DPP6: variants seen among roughly 807,000 people sequenced by gnomAD.
DPP6 encodes the protein dipeptidyl peptidase like 6.
A neutral mutation model predicts 122.6 loss-of-function variants in DPP6; 69 were observed. The ratio of observed to expected loss-of-function variants is 0.56; its 90% CI spans 0.46 to 0.69. The LOEUF is 0.69. Among genes scored for constraint, DPP6 ranks in the 30% least tolerant of loss-of-function variants. The pLI is 0.00. For missense variants in DPP6, 928 were observed against 1,116.9 expected, an observed-to-expected ratio of 0.83 and a Z score of 2.41; for synonymous variants, 418 against 433.1, an observed-to-expected ratio of 0.97 and a Z score of 0.43.
At chr7:154,078,351 TACACACACACACACAC>T (rs3052965) in intron 1 of DPP6, among the ~76,000 whole-genome samples, 1 of 149,408 alleles carries the variant, frequency 6.7e-6, no homozygotes, top group Non-Finnish European at 1.5e-5. Context: ...AGTGCATATG[TACACACACACACACAC>T]ACACACACAC....
At chr7:154,229,872 C>T (rs1196927391) in intron 1 of DPP6, among the ~76,000 whole-genome samples, 1 of 151,950 alleles carries the variant, frequency 6.6e-6, no homozygotes, top group African/African-American at 2.4e-5. Flanking sequence ...TTATTTGGTG[C>T]AAAATATTTT....
chr7:154,081,020 C>G (rs184760164), intron 1 of DPP6, among the ~76,000 whole-genome samples: 2 of 152,182 alleles, frequency 1.3e-5, no homozygotes, highest in African/African-American at 4.8e-5. Context: ...ATACCTAGAT[C>G]TTGGAAATTT....
intron 1 of DPP6, among the ~76,000 whole-genome samples, chr7:154,253,636 A>G (rs1802485935): frequency 6.6e-6 from 1 of 152,142 alleles, no homozygotes; most frequent in Non-Finnish European, 1.5e-5. Flanking sequence ...GGTAAACATG[A>G]TGATGATGAT....
intron 1 of DPP6, among the ~76,000 whole-genome samples, chr7:154,072,312 A>G (rs1313880001): frequency 6.6e-6 from 1 of 152,194 alleles, no homozygotes; most frequent in East Asian, 1.9e-4. Context: ...GTGTTAGTTT[A>G]TATGTTTGTA....
chr7:153,870,627 T>C, the DPP6 span, among the ~76,000 whole-genome samples: 193 of 152,348 alleles, frequency 1.3e-3, 3 homozygotes, highest in African/African-American at 4.1e-3. Context: ...AGTTTGATCT[T>C]CTGAAGCCTT....
chr7:154,204,397 A>G (rs1488263798), intron 1 of DPP6, among the ~76,000 whole-genome samples: 2 of 152,232 alleles, frequency 1.3e-5, no homozygotes, highest in African/African-American at 4.8e-5. Flanking sequence ...ACGCCACTCA[A>G]GATCCCTGCT....
chr7:154,060,498 C>T (rs1221358186), intron 1 of DPP6, among the ~76,000 whole-genome samples: 1 of 138,198 alleles, frequency 7.2e-6, no homozygotes, highest in East Asian at 2.1e-4. Context: ...TCCTAAGATC[C>T]TTAGGACCCA....
intron 1 of DPP6, among the ~76,000 whole-genome samples, chr7:154,292,980 A>G (rs1805307802): frequency 6.6e-6 from 1 of 152,176 alleles, no homozygotes; most frequent in Non-Finnish European, 1.5e-5. Context: ...ATTATCTTAG[A>G]AAGGTAATTG....
chr7:154,888,960 T>C (rs963401181), intron 23 of DPP6, among the ~76,000 whole-genome samples: 6 of 152,168 alleles, frequency 3.9e-5, no homozygotes, highest in Admixed American at 3.9e-4. Flanking sequence ...ATTTATTCAT[T>C]ATCATGAGAA....
chr7:154,404,764 A>T (rs941044025), intron 1 of DPP6, among the ~76,000 whole-genome samples: 3 of 152,206 alleles, frequency 2.0e-5, no homozygotes, highest in Admixed American at 2.0e-4. Flanking sequence ...AGTGTTCTGG[A>T]GAGGAAATCA....
chr7:154,695,488 C>T (rs953907718), intron 7 of DPP6, among the ~76,000 whole-genome samples: 2 of 152,156 alleles, frequency 1.3e-5, no homozygotes, highest in African/African-American at 4.8e-5. Flanking sequence ...TCTTACCACC[C>T]TATTTTTAAG....
At chr7:154,533,878 G>T (rs1026899209) in intron 3 of DPP6, among the ~76,000 whole-genome samples, 1 of 151,904 alleles carries the variant, frequency 6.6e-6, no homozygotes, top group South Asian at 2.1e-4. Flanking sequence ...TGTGCCTGTG[G>T]TCCCAGCTAC....
the DPP6 span, among the ~76,000 whole-genome samples, chr7:153,879,224 GC>G: frequency 6.6e-6 from 1 of 152,158 alleles, no homozygotes; most frequent in East Asian, 1.9e-4. Flanking sequence ...CAGTTGTCCA[GC>G]AGAGAGAAGT....
intron 1 of DPP6, among the ~76,000 whole-genome samples, chr7:153,963,782 C>T (rs71545679): frequency 6.6e-6 from 1 of 152,142 alleles, no homozygotes; most frequent in Non-Finnish European, 1.5e-5. Flanking sequence ...CCATCCCCAC[C>T]CCGTGTCCCA....
chr7:154,103,079 A>G (rs1370120200), intron 1 of DPP6, among the ~76,000 whole-genome samples: 3 of 151,996 alleles, frequency 2.0e-5, no homozygotes, highest in South Asian at 4.1e-4. Flanking sequence ...TACTGTCCCC[A>G]ATGAGTACCC....
intron 1 of DPP6, among the ~76,000 whole-genome samples, chr7:154,234,284 A>T (rs188196454): frequency 5.3e-5 from 8 of 152,310 alleles, no homozygotes; most frequent in African/African-American, 1.9e-4. Context: ...GAAACAGCCT[A>T]TGAGTAGTAT....
At chr7:154,405,207 A>C (rs776965490) in intron 1 of DPP6, among the ~76,000 whole-genome samples, 1 of 152,208 alleles carries the variant, frequency 6.6e-6, no homozygotes, top group East Asian at 1.9e-4. Context: ...TCAAGCAACA[A>C]TCATACACCC....
chr7:153,971,512 AG>A (rs975734465), intron 1 of DPP6, among the ~76,000 whole-genome samples: 1 of 143,202 alleles, frequency 7.0e-6, no homozygotes, highest in Non-Finnish European at 1.5e-5. Flanking sequence ...TCTAGATCTA[AG>A]GGGAAAAGTG....
chr7:153,817,935 T>C, the DPP6 span, among the ~76,000 whole-genome samples: 1 of 150,850 alleles, frequency 6.6e-6, no homozygotes, highest in African/African-American at 2.4e-5. Context: ...AAAAAAACAC[T>C]AGTGCATCAA....
Sources: gnomAD v4.1 joint callset for allele counts (sites outside exome capture counted in the v4.1 genomes callset) on GRCh38, gnomAD v4.1.1 for gene constraint, MANE v1.5 for transcripts, NCBI Gene and HGNC (gene_info 2026-07-23, HGNC 2026-07-21) for gene names.